The following ADK variants were observed in gnomAD, a reference collection of about 807,000 sequenced individuals.
The protein encoded by ADK is adenosine kinase.
A neutral mutation model predicts 44.7 loss-of-function variants in ADK; 24 were observed. The observed-to-expected ratio is 0.54, with a 90% CI of 0.39 to 0.76. The LOEUF (loss-of-function observed/expected upper bound fraction) is 0.76. Among genes scored for constraint, ADK ranks in the 30% least tolerant of loss-of-function variants. ADK has a pLI of 0.00. For synonymous variants in ADK, 128 were observed against 142.6 expected (o/e 0.90, Z 0.73); for missense variants, 321 against 425.1 (o/e 0.76, Z 2.15).
chr10:74,259,061 C>T (rs180762636), intron 3 of ADK, among the ~76,000 whole-genome samples: 338 of 148,654 alleles, frequency 2.3e-3, no homozygotes, highest in African/African-American at 7.9e-3. Flanking sequence ...AAGCGATTCT[C>T]GTGCCTTAGC....
intron 6 of ADK, among the ~76,000 whole-genome samples, chr10:74,461,842 A>C (rs920831447): frequency 6.6e-6 from 1 of 152,110 alleles, no homozygotes; most frequent in Non-Finnish European, 1.5e-5. Flanking sequence ...TTGTTATACA[A>C]TAATGACAGC....
intron 10 of ADK, among the ~76,000 whole-genome samples, chr10:74,692,741 C>T (rs146980985): frequency 7.2e-5 from 11 of 152,310 alleles, no homozygotes; most frequent in African/African-American, 2.4e-4. Context: ...AGGTACTTAA[C>T]ATTTTGTTAC....
intron 3 of ADK, among the ~76,000 whole-genome samples, chr10:74,265,829 C>A (rs1846193884): frequency 6.6e-6 from 1 of 152,018 alleles, no homozygotes; most frequent in South Asian, 2.1e-4. Flanking sequence ...AGTAATCAGG[C>A]AAATTGGTTT....
chr10:74,556,816 A>T (rs1001428871), intron 7 of ADK, among the ~76,000 whole-genome samples: 1 of 152,216 alleles, frequency 6.6e-6, no homozygotes, highest in African/African-American at 2.4e-5. Flanking sequence ...ATAGCAGTTT[A>T]TCTATAGAAA....
chr10:74,209,436 A>C (rs555952037), intron 2 of ADK, among the ~76,000 whole-genome samples: 1 of 152,330 alleles, frequency 6.6e-6, no homozygotes, highest in East Asian at 1.9e-4. Context: ...AAAATAAAAC[A>C]ACAACAAAAC....
chr10:74,400,947 A>G (rs1843685033), intron 6 of ADK, among the ~76,000 whole-genome samples: 1 of 152,194 alleles, frequency 6.6e-6, no homozygotes, highest in Admixed American at 6.5e-5. Flanking sequence ...CACACTGGAA[A>G]CCTTCCTGAC....
In ADK at chr10:74,416,631, C is replaced by T. The variant is rs1844384892; in HGVS notation, c.555+18052C>T. ...CTTTTCTCTATAACTTTCCCATTTT[C>T]CCTTATCACACCGTCACTGCAAACA... On this transcript the variant is annotated intron_variant, in intron 6 of 10. Coordinates refer to ENST00000539909, the MANE Select transcript of ADK (RefSeq NM_006721.4). Among the ~76,000 whole-genome samples the T allele has an allele frequency of 2.0e-5, 3 of 149,736 alleles. No homozygotes were observed. The South Asian group carries it at 6.3e-4, about 31-fold the overall frequency.
chr10:74,438,068 G>A (rs1845246710), intron 6 of ADK, among the ~76,000 whole-genome samples: 1 of 152,038 alleles, frequency 6.6e-6, no homozygotes, highest in Non-Finnish European at 1.5e-5. Flanking sequence ...AGCTTTCCCT[G>A]TTCCTCCATG....
At chr10:74,497,380 T>A (rs906954836) in intron 6 of ADK, among the ~76,000 whole-genome samples, 7 of 152,226 alleles carry the variant, frequency 4.6e-5, no homozygotes, top group African/African-American at 1.7e-4. Context: ...CTATATTCTT[T>A]TGGAGAGAAA....
chr10:74,507,054 A>G (rs1053412135), intron 6 of ADK, among the ~76,000 whole-genome samples: 1 of 152,178 alleles, frequency 6.6e-6, no homozygotes, highest in Non-Finnish European at 1.5e-5. Flanking sequence ...ACTTTTTTCA[A>G]TTTATATGTA....
At chr10:74,286,928 C>T (rs573579702) in intron 3 of ADK, among the ~76,000 whole-genome samples, 108 of 152,196 alleles carry the variant, frequency 7.1e-4, no homozygotes, top group Middle Eastern at 3.4e-3. Context: ...CTCAAGTGAT[C>T]CTCCCACCTC....
chr10:74,706,292 AT>A (rs960752342), intron 10 of ADK, among the ~76,000 whole-genome samples: 2 of 152,184 alleles, frequency 1.3e-5, no homozygotes, highest in African/African-American at 2.4e-5. Flanking sequence ...AAATAAATAA[AT>A]TTTTAAAAAA....
intron 3 of ADK, among the ~76,000 whole-genome samples, chr10:74,281,496 G>A (rs1338135573): frequency 3.3e-5 from 5 of 152,132 alleles, no homozygotes; most frequent in Admixed American, 6.6e-5. Context: ...GAAACCGTTA[G>A]GGGACAAAAA....
chr10:74,482,955 G>A (rs1323206387), intron 6 of ADK, among the ~76,000 whole-genome samples: 3 of 152,178 alleles, frequency 2.0e-5, no homozygotes, highest in Non-Finnish European at 4.4e-5. Context: ...GGTGCATGAT[G>A]CAAGCTGTCG....
chr10:74,400,539 T>C (rs1843670017), intron 6 of ADK, among the ~76,000 whole-genome samples: 1 of 152,226 alleles, frequency 6.6e-6, no homozygotes, highest in Non-Finnish European at 1.5e-5. Flanking sequence ...GTAATTCCCT[T>C]TGATTTCAGA....
chr10:74,197,866 A>G (rs988508607), intron 1 of ADK, among the ~76,000 whole-genome samples: 1 of 152,186 alleles, frequency 6.6e-6, no homozygotes, highest in Admixed American at 6.5e-5. Context: ...TAGATGTTCA[A>G]AGGTTTGACT....
At chr10:74,550,977 A>G (rs898840591) in intron 7 of ADK, among the ~76,000 whole-genome samples, 8 of 152,168 alleles carry the variant, frequency 5.3e-5, no homozygotes, top group African/African-American at 1.4e-4. Context: ...AGTTGGATCT[A>G]CAGGGATGGC....
At chr10:74,399,663 T>C (rs985174239) in intron 6 of ADK, among the ~76,000 whole-genome samples, 1 of 152,054 alleles carries the variant, frequency 6.6e-6, no homozygotes, top group Admixed American at 6.6e-5. Flanking sequence ...TCTCATGTTC[T>C]TTCCATTTTT....
At chr10:74,480,762 T>C (rs1361075525) in intron 6 of ADK, among the ~76,000 whole-genome samples, 2 of 152,242 alleles carry the variant, frequency 1.3e-5, no homozygotes, top group Non-Finnish European at 2.9e-5. Flanking sequence ...AAATATAGTT[T>C]CTAGCTTATA....
Sources: allele counts gnomAD v4.1 joint callset (sites outside exome capture counted in the v4.1 genomes callset), GRCh38; gene constraint gnomAD v4.1.1; transcripts MANE v1.5; gene names NCBI Gene and HGNC (gene_info 2026-07-23, HGNC 2026-07-21).